The following COL4A2 variants were observed in gnomAD, a reference collection of about 807,000 sequenced individuals.
COL4A2 encodes collagen type IV alpha 2 chain, also known as collagen alpha-2(IV) chain.
In COL4A2, 99 loss-of-function variants were observed where a neutral mutation model predicts 200.2. That is an observed-to-expected ratio of 0.49 (90% CI 0.42 to 0.58). The LOEUF (loss-of-function observed/expected upper bound fraction) is 0.58, where lower values mean the gene tolerates loss of function less well. Ranked by LOEUF, COL4A2 falls within the 20% of genes least tolerant of loss-of-function variation. The probability of loss-of-function intolerance (pLI) is 0.00; values close to 1 mark genes in which losing one functional copy is unlikely to be tolerated. For synonymous variants in COL4A2, 897 were observed against 900.6 expected, an observed-to-expected ratio of 1.00 and a Z score of 0.07; for missense variants, 1,950 against 2,314.1, an observed-to-expected ratio of 0.84 and a Z score of 3.23.
intron 45 of COL4A2, 64 bp from the exon 46 acceptor site, chr13:110,506,351 T>A: frequency 6.6e-7 from 1 of 1,512,032 alleles, no homozygotes; most frequent in South Asian, 1.2e-5. Flanking sequence ...GGCCGTCCAC[T>A]CTCTCTCTTT....
At chr13:110,329,314 C>T (rs1875796389) in intron 3 of COL4A2, among the ~76,000 whole-genome samples, 1 of 152,226 alleles carries the variant, frequency 6.6e-6, no homozygotes, top group East Asian at 1.9e-4. Context: ...TCCACCACCC[C>T]ACTAACATCA....
At chr13:110,485,938 G>A (rs966119986) in intron 34 of COL4A2, 102 bp downstream of exon 34, 21 of 1,528,200 alleles carry the variant, frequency 1.4e-5, no homozygotes, top group Non-Finnish European at 1.8e-5. Context: ...GAGAGTGTCA[G>A]TGGCAGGTTC....
rs1338618226 is a variant in COL4A2, at chr13:110,308,106, G to T, written c.82G>T (p.Ala28Ser). The T allele has an allele frequency of 1.9e-6, 3 of 1,613,750 alleles. No individual in the cohort carries two copies. The highest frequency in any genetic ancestry group is 1.7e-6 in the Non-Finnish European group (2 of 1,180,024). ...LLGTVTVGFLAQSVLAGVKKF... is the reference protein window; with the variant it reads ...LLGTVTVGFLSQSVLAGVKKF... The stretch of plus-strand genomic sequence containing the variant: ...GGGGACAGTGACCGTGGGGTTCCTC[G>T]CCCAGAGCGTCTTGGCGGTAAGTCC... The change falls in exon 3 of 48, where the codon GCC (alanine) becomes TCC (serine). Residue 28 changes from alanine (A) to serine (S), a missense_variant. Ala to Ser is a moderately conservative substitution (Grantham distance 99, BLOSUM62 1). Transcript: ENST00000360467.
intron 33 of COL4A2, 90 bp downstream of exon 33, chr13:110,485,117 C>G: frequency 8.3e-7 from 1 of 1,198,708 alleles, no homozygotes; most frequent in South Asian, 1.8e-5. Context: ...CAGAGACGCC[C>G]GTGCCCTCCA....
At chr13:110,403,582 T>C (rs985800715) in intron 4 of COL4A2, among the ~76,000 whole-genome samples, 2 of 152,184 alleles carry the variant, frequency 1.3e-5, no homozygotes, top group Non-Finnish European at 2.9e-5. Flanking sequence ...ACTTAGGGAA[T>C]CTCTAAGATG....
chr13:110,510,165 A>G (rs1884038068), intron 47 of COL4A2, among the ~76,000 whole-genome samples: 1 of 152,250 alleles, frequency 6.6e-6, no homozygotes, highest in Non-Finnish European at 1.5e-5. Context: ...AGAAGGCGAG[A>G]GCAGTGCTGA....
chr13:110,364,505 C>T (rs1334016781), intron 4 of COL4A2, among the ~76,000 whole-genome samples: 1 of 152,162 alleles, frequency 6.6e-6, no homozygotes, highest in Non-Finnish European at 1.5e-5. Flanking sequence ...TTGTCAGCTG[C>T]ATAATTAACT....
chr13:110,311,081 G>T (rs4773148), intron 3 of COL4A2, among the ~76,000 whole-genome samples: 145,812 of 152,162 alleles, frequency 0.96, 70,187 homozygotes, highest in East Asian at 1. Context: ...GGTCTTGACC[G>T]TGGACTAACA....
intron 31 of COL4A2, among the ~76,000 whole-genome samples, chr13:110,481,037 CAGTTCTGTCCCTCCAT>C (rs1426114137): frequency 2.7e-5 from 3 of 111,424 alleles, no homozygotes; most frequent in Admixed American, 8.4e-5. Context: ...TGGAGACACA[CAGTTCTGTCCCTCCAT>C]TGCTGGAGAC....
intron 41 of COL4A2, chr13:110,502,825 G>A (rs1450042517): frequency 9.4e-6 from 3 of 320,038 alleles, no homozygotes; most frequent in African/African-American, 4.4e-5. Context: ...AGAGGGACAC[G>A]GGGAGTGCGT....
At position 110,441,261 on chromosome 13, in the gene COL4A2, G is replaced by A. The variant is rs545958001; in HGVS notation, c.957+1428G>A. Reference sequence around the variant, plus strand: ...CTTCAGTTAGCTGGTACAGAAGCTCGGCAGGCCTGGTGGGGGTTCCGCCAT... The same window carrying A: ...CTTCAGTTAGCTGGTACAGAAGCTCAGCAGGCCTGGTGGGGGTTCCGCCAT... On this transcript the variant is annotated intron_variant, in intron 16 of 47. Coordinates refer to ENST00000360467, the MANE Select transcript of COL4A2 (RefSeq NM_001846.4). 2.0e-5 allele frequency among the ~76,000 whole-genome samples: 3 copies of A among 152,256 alleles called. No homozygotes were observed. In the South Asian group the frequency reaches 6.2e-4, roughly 32 times the overall value.
At chr13:110,473,872 C>T (rs1882575312) in intron 29 of COL4A2, among the ~76,000 whole-genome samples, 1 of 152,194 alleles carries the variant, frequency 6.6e-6, no homozygotes, top group Non-Finnish European at 1.5e-5. Flanking sequence ...CACCTGTAAT[C>T]CCAACACTTT....
intron 14 of COL4A2, 102 bp from the exon 15 acceptor site, chr13:110,438,516 G>A (rs936720302): frequency 1.4e-6 from 2 of 1,465,614 alleles, no homozygotes; most frequent in South Asian, 1.1e-5. Flanking sequence ...CACCATCGGG[G>A]CTGAGAACAC....
chr13:110,454,752 A>AGT (rs1881659249), intron 20 of COL4A2, among the ~76,000 whole-genome samples: 2 of 152,004 alleles, frequency 1.3e-5, no homozygotes, highest in African/African-American at 4.8e-5. Flanking sequence ...AAGTACATGC[A>AGT]GTGTGTGCTG....
intron 3 of COL4A2, among the ~76,000 whole-genome samples, chr13:110,323,750 G>A (rs369169479): frequency 7.9e-5 from 12 of 152,226 alleles, no homozygotes; most frequent in African/African-American, 1.9e-4. Flanking sequence ...TGCCCCCAGC[G>A]CCCAGCTGGG....
chr13:110,317,519 T>C (rs1404744427), intron 3 of COL4A2, among the ~76,000 whole-genome samples: 3 of 152,182 alleles, frequency 2.0e-5, no homozygotes, highest in Non-Finnish European at 1.5e-5. Flanking sequence ...GGGTCCCTTC[T>C]GCAGAGAGGC....
At chr13:110,444,894 A>G (rs1445013258) in intron 16 of COL4A2, among the ~76,000 whole-genome samples, 2 of 152,254 alleles carry the variant, frequency 1.3e-5, no homozygotes, top group African/African-American at 4.8e-5. Context: ...TGTGTTGCCC[A>G]GGCTGGAGTA....
rs746474992 is a variant in COL4A2, at chr13:110,307,922, G to T, written c.19G>T (p.Ala7Ser). Residue 7 changes from alanine (A) to serine (S), a missense_variant, in exon 2 of 48, where the codon GCG (alanine) becomes TCG (serine). Ala to Ser is a moderately conservative substitution (Grantham distance 99). Coordinates refer to ENST00000360467, the MANE Select transcript of COL4A2 (RefSeq NM_001846.4). This position sits in a 1 kb window ranked among gnomAD's most constrained non-coding sequence, Gnocchi z 5.0. ...CGCCAGCATGGGGAGAGACCAGCGC[G>T]CGGTGGCCGGCCCTGCCCTACGGCG... MGRDQR[A>S]VAGPALRRWL... The T allele has an allele frequency of 3.7e-6, 6 of 1,612,890 alleles. No homozygotes were observed. The South Asian group carries it at 4.4e-5, about 12-fold the overall frequency.
chr13:110,474,137 G>T (rs1449689362), intron 29 of COL4A2, among the ~76,000 whole-genome samples: 1 of 151,930 alleles, frequency 6.6e-6, no homozygotes, highest in Non-Finnish European at 1.5e-5. Flanking sequence ...AAAAAGAAAA[G>T]AAAAGAAAAG....
Sources: gnomAD v4.1 joint callset for allele counts (sites outside exome capture counted in the v4.1 genomes callset) on GRCh38, gnomAD v4.1.1 for gene constraint, Gnocchi (gnomAD v3.1) non-coding constraint, MANE v1.5 for transcripts, NCBI Gene and HGNC (gene_info 2026-07-23, HGNC 2026-07-21) for gene names.